The following CENPL variants were observed in gnomAD, a reference collection of about 807,000 sequenced individuals.
The protein encoded by CENPL is centromere protein L.
Under a neutral mutation model 35.2 loss-of-function variants are expected in CENPL, and 20 were observed. The ratio of observed to expected loss-of-function variants is 0.57; its 90% CI spans 0.40 to 0.83. The LOEUF (loss-of-function observed/expected upper bound fraction) is 0.83. CENPL is among the 40% of genes least tolerant of loss of function. CENPL has a pLI of 0.00. For synonymous variants in CENPL, 140 were observed against 140.6 expected, an observed-to-expected ratio of 1.00 and a Z score of 0.03; for missense variants, 363 against 395.8, an observed-to-expected ratio of 0.92 and a Z score of 0.70.
At chr1:173,805,131 T>A (rs867279054) in intron 4 of CENPL, among the ~76,000 whole-genome samples, 1 of 152,188 alleles carries the variant, frequency 6.6e-6, no homozygotes, top group Non-Finnish European at 1.5e-5. Context: ...ACTGATAATA[T>A]GCAAGTCACA....
rs575882266 is a variant in CENPL at position 173,824,876 on chromosome 1, T to A, written c.-766A>T. ...TGGAAAGAGGAGAAGGGCGTATACC[T>A]TGTGACCGCCTCTGGTTGTCTTGGG... On this transcript the variant is annotated 5_prime_UTR_variant, in exon 1 of 6. It adds an upstream start codon to the 5' untranslated region. Coordinates refer to ENST00000682279, the MANE Select transcript of CENPL (RefSeq NM_001387287.1). 2.9e-5 allele frequency: 10 copies of A among 345,206 alleles called. No homozygotes were observed. The highest frequency in any genetic ancestry group is 5.7e-5 in the Non-Finnish European group (10 of 175,786). The allele number at this position is 345,206 out of a possible 1,614,324, so 21.4% of individuals were successfully genotyped here.
At position 173,800,407 on chromosome 1, in the gene CENPL, A is replaced by G. The variant is rs753606959; in HGVS notation, c.*41T>C. 5.1e-6 allele frequency: 4 copies of G among 777,040 alleles called. No individual in the cohort carries two copies. The highest frequency in any genetic ancestry group is 5.0e-5 in the East Asian group (2 of 39,646). The allele number at this position is 777,040 out of a possible 1,614,324, so 48.1% of individuals were successfully genotyped here. A position where few individuals can be genotyped will look rare whatever the true frequency, so the allele number is the denominator to read the frequency against. On this transcript the variant is annotated 3_prime_UTR_variant, in exon 6 of 6. Transcript: ENST00000682279. ...AGCATAGCAATTAGGCAAGTTATCA[A>G]TAAGAGTATATAATCTATAACTTAT...
At chr1:173,811,390 G>C in intron 2 of CENPL, 84 bp from the exon 3 acceptor site, 1 of 937,524 alleles carries the variant, frequency 1.1e-6, no homozygotes, top group Non-Finnish European at 1.6e-6. Flanking sequence ...TCACTCTAAA[G>C]GAATCCTTTC....
chr1:173,819,869 G>T (rs112432658), intron 2 of CENPL, among the ~76,000 whole-genome samples: 9 of 143,972 alleles, frequency 6.3e-5, no homozygotes, highest in Admixed American at 1.4e-4. Flanking sequence ...TTTTTTGTTT[G>T]TTTTTTTTTT....
At chr1:173,809,843 T>C (rs1442123542) in intron 3 of CENPL, among the ~76,000 whole-genome samples, 1 of 150,002 alleles carries the variant, frequency 6.7e-6, no homozygotes, top group Non-Finnish European at 1.5e-5. Flanking sequence ...TGGAGAAAAA[T>C]AAAAAGTCAA....
At chr1:173,803,816 C>A (rs1448965592) in intron 4 of CENPL, among the ~76,000 whole-genome samples, 1 of 152,036 alleles carries the variant, frequency 6.6e-6, no homozygotes, top group Non-Finnish European at 1.5e-5. Flanking sequence ...GGATTACAGG[C>A]ATGCACCACC....
chr1:173,806,466 C>T (rs1488268964), intron 4 of CENPL: 1 of 445,116 alleles, frequency 2.2e-6, no homozygotes, highest in African/African-American at 2.0e-5. Flanking sequence ...CACCTGCAGT[C>T]CCAGCTACTT....
chr1:173,802,275 G>A (rs1440316018), intron 5 of CENPL, among the ~76,000 whole-genome samples: 4 of 151,614 alleles, frequency 2.6e-5, no homozygotes, highest in Non-Finnish European at 4.4e-5. Flanking sequence ...GCGCGATCTC[G>A]GCTCACTACA....
chr1:173,802,863 T>C, intron 5 of CENPL, 100 bp downstream of exon 5: 1 of 773,786 alleles, frequency 1.3e-6, no homozygotes. Context: ...CTTGAATACA[T>C]TCAAGTGTGT....
intron 3 of CENPL, chr1:173,808,549 C>T (rs1211250738): frequency 6.6e-6 from 1 of 151,124 alleles, no homozygotes; most frequent in Non-Finnish European, 1.5e-5. Context: ...ATAGATCAAA[C>T]TCCTTGTTTC....
intron 2 of CENPL, among the ~76,000 whole-genome samples, chr1:173,817,110 C>T (rs1422042369): frequency 6.6e-6 from 1 of 151,844 alleles, no homozygotes; most frequent in Non-Finnish European, 1.5e-5. Context: ...TGCACTCTAG[C>T]CTGGGTGACA....
chr1:173,810,908 C>T (rs1056192913), intron 3 of CENPL, among the ~76,000 whole-genome samples: 3 of 152,082 alleles, frequency 2.0e-5, no homozygotes, highest in African/African-American at 7.2e-5. Flanking sequence ...CAGAGCAAGA[C>T]TCTGTCTCAA....
At position 173,809,731 on chromosome 1, in the gene CENPL, C is replaced by T. The variant is rs567709322; in HGVS notation, c.168+1401G>A. On this transcript the variant is annotated intron_variant, in intron 3 of 5. Coordinates refer to ENST00000682279, the MANE Select transcript of CENPL (RefSeq NM_001387287.1). ...TGAAGAAAAGTTCAACATCACTGATCATTAGAGAAATGCAAATCAAAACCA... is the reference window on the plus strand; with the variant it reads ...TGAAGAAAAGTTCAACATCACTGATTATTAGAGAAATGCAAATCAAAACCA... 2.0e-5 allele frequency among the ~76,000 whole-genome samples: 3 copies of T among 152,026 alleles called. No homozygotes were observed. In the East Asian group the frequency reaches 5.8e-4, roughly 29 times the overall value.
chr1:173,803,971 C>T (rs1649992716), intron 4 of CENPL, among the ~76,000 whole-genome samples: 1 of 152,084 alleles, frequency 6.6e-6, no homozygotes, highest in Non-Finnish European at 1.5e-5. Context: ...CAGGCCCGGC[C>T]CCCAATATTC....
Position 173,802,944 on chromosome 1 carries a change from C to T in CENPL, c.963+19G>A. ...CATAAAACAAGGAAAAATTACTTAACTAGATTGTTCAAACTAACCTTTATT... is the reference window on the plus strand; with the variant it reads ...CATAAAACAAGGAAAAATTACTTAATTAGATTGTTCAAACTAACCTTTATT... On this transcript the variant is annotated intron_variant, in intron 5 of 5. Transcript: ENST00000682279. The T allele has an allele frequency of 2.0e-6, 3 of 1,537,350 alleles. No homozygotes were observed. The highest frequency in any genetic ancestry group is 2.7e-6 in the Non-Finnish European group (3 of 1,131,872).
At chr1:173,805,738 G>T (rs2102570550) in intron 4 of CENPL, among the ~76,000 whole-genome samples, 1 of 152,108 alleles carries the variant, frequency 6.6e-6, no homozygotes, top group South Asian at 2.1e-4. Context: ...AGACAATAAG[G>T]TAACTTCTAA....
rs41265232 is a variant in CENPL at position 173,803,009 on chromosome 1, C to A, written c.917G>T (p.Arg306Leu). ...KIHLSATRLV[R>L]VSTSVASAHT... Reference sequence around the variant, plus strand: ...TGCTGAAGCTACAGATGTTGAAACACGAACTAATCTTGTGGCTGATAAATG... The same window carrying A: ...TGCTGAAGCTACAGATGTTGAAACAAGAACTAATCTTGTGGCTGATAAATG... Residue 306 changes from arginine (R) to leucine (L), a missense_variant, in exon 5 of 6, where the codon CGT (arginine) becomes CTT (leucine). Physicochemically the swap from Arg to Leu is moderately radical, Grantham distance 102. Transcript: ENST00000682279. 197 of 1,613,234 alleles carry A rather than the reference C, an allele frequency of 1.2e-4. No individual in the cohort carries two copies. Among genetic ancestry groups the A allele is most frequent in the Admixed American group, 1.8e-4 (11 of 59,970 alleles).
intron 2 of CENPL, among the ~76,000 whole-genome samples, chr1:173,819,458 GCA>G (rs1651727581): frequency 6.6e-6 from 1 of 151,804 alleles, no homozygotes; most frequent in Admixed American, 6.6e-5. Context: ...GGGTATGGTG[GCA>G]CACACCTGTA....
At chr1:173,806,866 C>T (rs1036545443) in intron 4 of CENPL, among the ~76,000 whole-genome samples, 1 of 151,918 alleles carries the variant, frequency 6.6e-6, no homozygotes, top group Admixed American at 6.6e-5. Flanking sequence ...TGAAGTATCA[C>T]AAAATTTAAT....
Sources: gnomAD v4.1 joint callset for allele counts (sites outside exome capture counted in the v4.1 genomes callset) on GRCh38, gnomAD v4.1.1 for gene constraint, MANE v1.5 for transcripts, NCBI Gene and HGNC (gene_info 2026-07-23, HGNC 2026-07-21) for gene names.